Variants in SHISA6 observed in about 807,000 individuals in gnomAD.
SHISA6 encodes the protein shisa family member 6, also known as protein shisa-6.
In SHISA6, 22 loss-of-function variants were observed where a neutral mutation model predicts 47.9. The observed-to-expected ratio is 0.46, with a 90% CI of 0.33 to 0.66. SHISA6 has a LOEUF of 0.66. SHISA6 is among the 30% of genes least tolerant of loss of function. The pLI is 0.02. For synonymous variants in SHISA6, 388 were observed against 337.8 expected, an observed-to-expected ratio of 1.15 and a Z score of -1.63; for missense variants, 680 against 764.6, an observed-to-expected ratio of 0.89 and a Z score of 1.30.
In SHISA6 at chr17:11,308,390, G is replaced by A. The variant is rs527562889; in HGVS notation, c.799+44864G>A. The stretch of plus-strand genomic sequence containing the variant: ...AACCCTTCCTCCTAACCTCATATGT[G>A]CACAGGAATGCAGCAAATTAACCTC... On this transcript the variant is annotated intron_variant, in intron 2 of 5. Transcript: ENST00000441885. 2.7e-5 allele frequency among the ~76,000 whole-genome samples: 4 copies of A among 148,090 alleles called. No individual in the cohort carries two copies. In the South Asian group the frequency reaches 8.5e-4, roughly 31 times the overall value.
At chr17:11,413,973 G>A (rs905190523) in intron 3 of SHISA6, among the ~76,000 whole-genome samples, 3 of 152,012 alleles carry the variant, frequency 2.0e-5, no homozygotes, top group African/African-American at 7.3e-5. Context: ...CTAAAACTGG[G>A]AGGTTGGGGA....
At chr17:11,320,791 TC>T (rs1020522409) in intron 2 of SHISA6, among the ~76,000 whole-genome samples, 44 of 152,336 alleles carry the variant, frequency 2.9e-4, no homozygotes, top group Middle Eastern at 3.4e-3. Flanking sequence ...TACATCCTTT[TC>T]TTTTGCATGA....
intron 2 of SHISA6, among the ~76,000 whole-genome samples, chr17:11,336,791 C>T (rs949625666): frequency 9.2e-5 from 14 of 152,168 alleles, no homozygotes; most frequent in African/African-American, 3.1e-4. Context: ...GGATTTGGAG[C>T]CGGCACATTG....
chr17:11,513,569 T>C (rs2071559251), intron 3 of SHISA6, among the ~76,000 whole-genome samples: 1 of 152,226 alleles, frequency 6.6e-6, no homozygotes. Context: ...GCATAAATCC[T>C]TTCCCATCTT....
chr17:11,474,065 A>C (rs1399891965), intron 3 of SHISA6, among the ~76,000 whole-genome samples: 1 of 152,032 alleles, frequency 6.6e-6, no homozygotes, highest in African/African-American at 2.4e-5. Context: ...AGCTTCATCC[A>C]TGTCCCTGCA....
chr17:11,556,686 T>C (rs1597585600), intron 5 of SHISA6, among the ~76,000 whole-genome samples: 2 of 152,242 alleles, frequency 1.3e-5, no homozygotes, highest in African/African-American at 2.4e-5. Flanking sequence ...GTGGAGTCTC[T>C]AGCTAGAGAC....
rs548199948 is a variant in SHISA6 at position 11,379,398 on chromosome 17, C to T, written c.800-16C>T. 1.5e-5 allele frequency: 23 copies of T among 1,521,914 alleles called. No individual in the cohort carries two copies. The South Asian group carries it at 2.7e-4, about 18-fold the overall frequency. 94.3% of individuals were successfully genotyped at this position (1,521,914 alleles called of 1,614,324 possible). On this transcript the variant is annotated splice_polypyrimidine_tract_variant and intron_variant, in intron 2 of 5. Coordinates refer to ENST00000441885, the MANE Select transcript of SHISA6 (RefSeq NM_207386.4). ...GTCGTGGATGCGCCAGGTAATTCTG[C>T]CCCATCTTCTTGCAGGGCATTATGG...
chr17:11,386,627 A>T (rs1913202838), intron 3 of SHISA6, among the ~76,000 whole-genome samples: 2 of 152,158 alleles, frequency 1.3e-5, no homozygotes, highest in Non-Finnish European at 2.9e-5. Flanking sequence ...TAAAAAAGGG[A>T]AAAATTGATT....
intron 3 of SHISA6, among the ~76,000 whole-genome samples, chr17:11,414,222 T>C (rs926701421): frequency 6.6e-6 from 1 of 152,020 alleles, no homozygotes; most frequent in Non-Finnish European, 1.5e-5. Flanking sequence ...GACCCTAAAA[T>C]AAAGACAGGC....
chr17:11,397,760 AT>A (rs1913623656), intron 3 of SHISA6, among the ~76,000 whole-genome samples: 1 of 151,338 alleles, frequency 6.6e-6, no homozygotes, highest in Non-Finnish European at 1.5e-5. Context: ...AGGCTTGAGA[AT>A]TTTTTTCTTT....
At chr17:11,328,528 A>G (rs1011309586) in intron 2 of SHISA6, among the ~76,000 whole-genome samples, 8 of 152,204 alleles carry the variant, frequency 5.3e-5, no homozygotes, top group Non-Finnish European at 1.0e-4. Flanking sequence ...TAACTGAGTT[A>G]ATACATCTAA....
At chr17:11,446,001 T>A (rs1915222654) in intron 3 of SHISA6, among the ~76,000 whole-genome samples, 1 of 152,122 alleles carries the variant, frequency 6.6e-6, no homozygotes, top group Admixed American at 6.5e-5. Context: ...CTAATTTTTG[T>A]ATTTTTAGTA....
intron 3 of SHISA6, among the ~76,000 whole-genome samples, chr17:11,481,066 G>T (rs1046787065): frequency 6.6e-6 from 1 of 151,792 alleles, no homozygotes; most frequent in Non-Finnish European, 1.5e-5. Context: ...ATCACTTGAG[G>T]CCAGGAGTTC....
intron 3 of SHISA6, among the ~76,000 whole-genome samples, chr17:11,519,478 T>A (rs113146530): frequency 1.8e-4 from 28 of 152,180 alleles, no homozygotes; most frequent in African/African-American, 6.5e-4. Context: ...GGTTACCAAG[T>A]GCTGCAGTGA....
At chr17:11,348,024 G>A (rs8072919) in intron 2 of SHISA6, among the ~76,000 whole-genome samples, 16,105 of 152,270 alleles carry the variant, frequency 0.11, 887 homozygotes, top group African/African-American at 0.13. Context: ...TCATCCATAA[G>A]AAGATGCAAA....
At chr17:11,531,841 G>A (rs1297574030) in intron 3 of SHISA6, among the ~76,000 whole-genome samples, 1 of 152,184 alleles carries the variant, frequency 6.6e-6, no homozygotes, top group Non-Finnish European at 1.5e-5. Flanking sequence ...GATTTTAAAT[G>A]TTCTCAACAC....
At chr17:11,268,165 C>T (rs1567555303) in intron 2 of SHISA6, among the ~76,000 whole-genome samples, 1 of 152,096 alleles carries the variant, frequency 6.6e-6, no homozygotes, top group East Asian at 1.9e-4. Context: ...CATCTGGAGA[C>T]AATAAATATT....
At chr17:11,399,174 A>T (rs1913680224) in intron 3 of SHISA6, among the ~76,000 whole-genome samples, 1 of 152,242 alleles carries the variant, frequency 6.6e-6, no homozygotes, top group African/African-American at 2.4e-5. Context: ...TACAACAGAA[A>T]GATAGAGTAG....
intron 3 of SHISA6, among the ~76,000 whole-genome samples, chr17:11,389,699 T>C (rs1913324238): frequency 6.6e-6 from 1 of 152,190 alleles, no homozygotes; most frequent in African/African-American, 2.4e-5. Flanking sequence ...CCCTCGCTGG[T>C]GCCAAATCTG....
Sources: allele counts gnomAD v4.1 joint callset (sites outside exome capture counted in the v4.1 genomes callset), GRCh38; gene constraint gnomAD v4.1.1; transcripts MANE v1.5; gene names NCBI Gene and HGNC (gene_info 2026-07-23, HGNC 2026-07-21).